Variants in TUSC3 observed in about 807,000 individuals in gnomAD.
The protein encoded by TUSC3 is tumor suppressor candidate 3.
TUSC3 carries 45 observed loss-of-function variants against 44.8 expected under a neutral mutation model. That is an observed-to-expected ratio of 1.00 (90% CI 0.79 to 1.29). The LOEUF (loss-of-function observed/expected upper bound fraction) is 1.29, where lower values mean the gene tolerates loss of function less well. Among genes scored for constraint, TUSC3 ranks in the 50% most tolerant of loss-of-function variants. The pLI is 0.00. For missense variants in TUSC3, 519 were observed against 437.9 expected, an observed-to-expected ratio of 1.19 and a Z score of -1.65; for synonymous variants, 212 against 152.9, an observed-to-expected ratio of 1.39 and a Z score of -2.85.
intron 1 of TUSC3, among the ~76,000 whole-genome samples, chr8:15,619,099 A>G (rs1465988942): frequency 6.6e-6 from 1 of 152,216 alleles, no homozygotes; most frequent in Non-Finnish European, 1.5e-5. Context: ...AAATTCAAAG[A>G]AAAATCGTTT....
intron 1 of TUSC3, among the ~76,000 whole-genome samples, chr8:15,597,289 A>G (rs1379724824): frequency 1.3e-5 from 2 of 152,092 alleles, no homozygotes; most frequent in Non-Finnish European, 1.5e-5. Flanking sequence ...TTAGATCTTA[A>G]GAGATCTAAA....
chr8:15,535,608 A>G (rs148177078), upstream of TUSC3, among the ~76,000 whole-genome samples: 51 of 152,322 alleles, frequency 3.3e-4, no homozygotes, highest in African/African-American at 1.2e-3. Context: ...CTAGTGATGG[A>G]TGCTATTGAA....
At chr8:15,557,786 CATG>C in intron 1 of TUSC3, among the ~76,000 whole-genome samples, 1 of 137,642 alleles carries the variant, frequency 7.3e-6, no homozygotes, top group Middle Eastern at 3.9e-3. Flanking sequence ...GGAGTTCACT[CATG>C]ATTTGGCTCT....
chr8:15,691,942 G>T (rs1808919037), intron 6 of TUSC3, among the ~76,000 whole-genome samples: 1 of 152,024 alleles, frequency 6.6e-6, no homozygotes, highest in African/African-American at 2.4e-5. Flanking sequence ...CACCATGCCT[G>T]GCTAATTTTT....
At chr8:15,487,119 G>A (rs1301241542) in intron 2 of TUSC3, among the ~76,000 whole-genome samples, 1 of 152,100 alleles carries the variant, frequency 6.6e-6, no homozygotes, top group Non-Finnish European at 1.5e-5. Context: ...TATTAAATTT[G>A]AGGAATATTT....
intron 1 of TUSC3, among the ~76,000 whole-genome samples, chr8:15,595,916 G>A (rs1314716676): frequency 6.6e-6 from 1 of 152,152 alleles, no homozygotes; most frequent in Admixed American, 6.5e-5. Flanking sequence ...TATGCCATAG[G>A]AACTTAGTGA....
Position 15,765,465 on chromosome 8 carries a change from A to T in TUSC3, c.*1309A>T, listed in dbSNP as rs1201176413. 6.6e-6 allele frequency: 1 copy of T among 152,018 alleles called. No individual in the cohort carries two copies. Among genetic ancestry groups the T allele is most frequent in the Non-Finnish European group, 1.5e-5 (1 of 67,924 alleles). 9.4% of individuals were successfully genotyped at this position (152,018 alleles called of 1,614,324 possible). ...TCCAGCTATATAGCCTCAAACAAGA[A>T]ACGGGTGTACAACCATTGAGTTTAC... On this transcript the variant is annotated 3_prime_UTR_variant, in exon 11 of 11. Transcript: ENST00000503731.
chr8:15,791,972 G>A, the TUSC3 span, among the ~76,000 whole-genome samples: 4 of 152,088 alleles, frequency 2.6e-5, no homozygotes, highest in South Asian at 8.3e-4. Flanking sequence ...AGTATTTAAA[G>A]GAGCGTTCAA....
chr8:15,457,716 TAATC>T (rs1480016439), intron 1 of TUSC3, among the ~76,000 whole-genome samples: 3 of 148,802 alleles, frequency 2.0e-5, no homozygotes, highest in African/African-American at 4.9e-5. Flanking sequence ...AGATAAATAA[TAATC>T]TAATAAAATA....
chr8:15,814,552 T>C, the TUSC3 span, among the ~76,000 whole-genome samples: 2 of 152,234 alleles, frequency 1.3e-5, no homozygotes, highest in East Asian at 3.8e-4. Flanking sequence ...CTTTAGGTGA[T>C]TGAATTTGCT....
chr8:15,437,326 C>A (rs28670740), intron 1 of TUSC3, among the ~76,000 whole-genome samples: 24,755 of 152,070 alleles, frequency 0.16, 2,090 homozygotes, highest in Middle Eastern at 0.22. Context: ...TTAGTCTAGA[C>A]CTACATATCT....
intron 1 of TUSC3, among the ~76,000 whole-genome samples, chr8:15,621,302 G>T (rs1805233420): frequency 6.6e-6 from 1 of 151,468 alleles, no homozygotes; most frequent in African/African-American, 2.4e-5. Flanking sequence ...ACAGTTTTCT[G>T]TAAGGCAAAA....
the TUSC3 span, among the ~76,000 whole-genome samples, chr8:15,803,768 C>G: frequency 6.6e-6 from 1 of 152,038 alleles, no homozygotes; most frequent in Non-Finnish European, 1.5e-5. Flanking sequence ...CTGTGTTGTT[C>G]AACTCCTGCT....
At chr8:15,420,446 C>T (rs906831255) in intron 1 of TUSC3, among the ~76,000 whole-genome samples, 5 of 151,832 alleles carry the variant, frequency 3.3e-5, no homozygotes, top group Non-Finnish European at 7.4e-5. Context: ...TACAGTGAGC[C>T]GAGATCATGC....
At chr8:15,510,430 G>A (rs919311169) in intron 2 of TUSC3, among the ~76,000 whole-genome samples, 1 of 151,996 alleles carries the variant, frequency 6.6e-6, no homozygotes, top group African/African-American at 2.4e-5. Flanking sequence ...GAAATTACAG[G>A]TGCTAAAGTG....
chr8:15,588,229 A>G (rs1803676657), intron 1 of TUSC3, among the ~76,000 whole-genome samples: 1 of 151,800 alleles, frequency 6.6e-6, no homozygotes, highest in African/African-American at 2.4e-5. Flanking sequence ...AGTATTTCTT[A>G]TTTTTTGTCA....
intron 1 of TUSC3, among the ~76,000 whole-genome samples, chr8:15,446,742 G>A (rs1402453377): frequency 9.2e-6 from 1 of 108,650 alleles, no homozygotes; most frequent in Admixed American, 9.6e-5. Flanking sequence ...GAGAGGGGGA[G>A]GGAGGGGGGA....
intron 1 of TUSC3, among the ~76,000 whole-genome samples, chr8:15,575,072 A>C (rs776738782): frequency 2.0e-5 from 3 of 152,168 alleles, no homozygotes; most frequent in African/African-American, 2.4e-5. Flanking sequence ...TATCCGTAGC[A>C]ATTAATGGTT....
chr8:15,553,758 A>G lies in TUSC3; in HGVS notation c.138+13190A>G, dbSNP rs568386473. On this transcript the variant is annotated intron_variant, in intron 1 of 10. Transcript: ENST00000503731. ...TGCTGTGAATGGGAAGAGAGAGTTA[A>G]GTGGTGGTAGCTGGAGAAGAAGCTG... Among the ~76,000 whole-genome samples the G allele has an allele frequency of 1.4e-4, 22 of 151,886 alleles. No individual in the cohort carries two copies. The South Asian group carries it at 4.4e-3, about 30-fold the overall frequency.
Sources: allele counts gnomAD v4.1 joint callset (sites outside exome capture counted in the v4.1 genomes callset), GRCh38; gene constraint gnomAD v4.1.1; transcripts MANE v1.5; gene names NCBI Gene and HGNC (gene_info 2026-07-23, HGNC 2026-07-21).